Variants in TYW1B observed in about 807,000 individuals in gnomAD.
TYW1B encodes tRNA-yW synthesizing protein 1 homolog B, also known as S-adenosyl-L-methionine-dependent tRNA 4-demethylwyosine synthase TYW1B.
Under a neutral mutation model 86.9 loss-of-function variants are expected in TYW1B, and 73 were observed. The ratio of observed to expected loss-of-function variants is 0.84; its 90% CI spans 0.70 to 1.02. The LOEUF (loss-of-function observed/expected upper bound fraction) is 1.02. Ranked by LOEUF, TYW1B falls within the 50% of genes least tolerant of loss-of-function variation. The pLI is 0.00. For missense variants in TYW1B, 637 were observed against 827.4 expected, an observed-to-expected ratio of 0.77 and a Z score of 2.82; for synonymous variants, 248 against 292.8, an observed-to-expected ratio of 0.85 and a Z score of 1.56.
At chr7:72,602,888 T>C (rs1200643489) in intron 13 of TYW1B, among the ~76,000 whole-genome samples, 1 of 111,852 alleles carries the variant, frequency 8.9e-6, no homozygotes, top group African/African-American at 3.3e-5. Flanking sequence ...ACACACACAA[T>C]GTTGATGGGG....
intron 11 of TYW1B, among the ~76,000 whole-genome samples, chr7:72,653,939 A>G (rs1554443224): frequency 2.6e-5 from 4 of 151,516 alleles, no homozygotes; most frequent in Non-Finnish European, 5.9e-5. Flanking sequence ...AATTAGCCAC[A>G]TGTGGTGGCG....
At chr7:72,746,986 T>C (rs1293337517) in intron 7 of TYW1B, among the ~76,000 whole-genome samples, 4 of 152,236 alleles carry the variant, frequency 2.6e-5, no homozygotes, top group Admixed American at 2.0e-4. Context: ...TAAGACACTC[T>C]TTTTTGTAAT....
rs186499020 is a variant in TYW1B, at chr7:72,714,987, G to C, written c.1193-1189C>G. On this transcript the variant is annotated intron_variant, in intron 9 of 13. Coordinates refer to ENST00000620995, the MANE Select transcript of TYW1B (RefSeq NM_001145440.3). Reference sequence around the variant, plus strand: ...TCTGTTTCATCAGAGTGGGTGCAAGGCTGGGCAATAAGTTTTGTTAAAGCT... The same window carrying C: ...TCTGTTTCATCAGAGTGGGTGCAAGCCTGGGCAATAAGTTTTGTTAAAGCT... Among the ~76,000 whole-genome samples, 1,085 of 152,304 alleles carry C rather than the reference G, an allele frequency of 7.1e-3. 18 individuals are homozygous for C. Among genetic ancestry groups the C allele is most frequent in the African/African-American group, 0.025 (1,057 of 41,548 alleles).
intron 7 of TYW1B, among the ~76,000 whole-genome samples, chr7:72,755,389 A>G (rs1401456515): frequency 6.6e-6 from 1 of 152,174 alleles, no homozygotes; most frequent in African/African-American, 2.4e-5. Flanking sequence ...ACTGCACTCC[A>G]GCCTGGCCGG....
intron 12 of TYW1B, among the ~76,000 whole-genome samples, chr7:72,619,401 G>A (rs2129568478): frequency 6.6e-6 from 1 of 152,198 alleles, no homozygotes; most frequent in South Asian, 2.1e-4. Flanking sequence ...CAGCACTTTG[G>A]GAGGCCGAGG....
At position 72,702,676 on chromosome 7, in the gene TYW1B, T is replaced by C. The variant is rs138481823; in HGVS notation, c.1371-7854A>G. Reference sequence around the variant, plus strand: ...AGCTGGGATTACAGGCATGAGCCACTGCTCCCAGCCGAGATACTGGTTTTC... The same window carrying C: ...AGCTGGGATTACAGGCATGAGCCACCGCTCCCAGCCGAGATACTGGTTTTC... On this transcript the variant is annotated intron_variant, in intron 10 of 13. Coordinates refer to ENST00000620995, the MANE Select transcript of TYW1B (RefSeq NM_001145440.3). 7.0e-3 allele frequency among the ~76,000 whole-genome samples: 1,060 copies of C among 151,908 alleles called. 10 individuals carry two copies. Among genetic ancestry groups the C allele is most frequent in the African/African-American group, 0.023 (966 of 41,444 alleles).
chr7:72,792,212 A>G (rs561553807), intron 6 of TYW1B, among the ~76,000 whole-genome samples: 149 of 152,156 alleles, frequency 9.8e-4, no homozygotes, highest in Non-Finnish European at 2.0e-3. Flanking sequence ...CTGTAATCCC[A>G]GCTACTCGGG....
At chr7:72,638,828 A>G (rs1265768731) in intron 11 of TYW1B, among the ~76,000 whole-genome samples, 2 of 152,250 alleles carry the variant, frequency 1.3e-5, no homozygotes, top group African/African-American at 4.8e-5. Flanking sequence ...CAGTACAGCA[A>G]CAATTATTAA....
chr7:72,657,519 A>C (rs187057087), intron 11 of TYW1B, among the ~76,000 whole-genome samples: 240 of 152,290 alleles, frequency 1.6e-3, no homozygotes, highest in African/African-American at 5.6e-3. Flanking sequence ...ACATATATTC[A>C]ATCCAAGAAG....
intron 7 of TYW1B, among the ~76,000 whole-genome samples, chr7:72,774,519 G>A (rs1314528221): frequency 1.3e-5 from 2 of 152,000 alleles, no homozygotes; most frequent in East Asian, 1.9e-4. Context: ...TCAGGAGATA[G>A]AGACCATCCT....
At chr7:72,656,396 T>G (rs1424770681) in intron 11 of TYW1B, among the ~76,000 whole-genome samples, 1 of 152,178 alleles carries the variant, frequency 6.6e-6, no homozygotes, top group Admixed American at 6.5e-5. Flanking sequence ...ACAAGAATGA[T>G]GAGGAAGCAA....
chr7:72,732,978 C>T (rs1382391673), intron 8 of TYW1B, among the ~76,000 whole-genome samples: 3 of 151,970 alleles, frequency 2.0e-5, no homozygotes, highest in African/African-American at 7.2e-5. Context: ...TGTACACCAA[C>T]AAATTGGAAA....
At chr7:72,784,825 C>T (rs555169907) in intron 6 of TYW1B, among the ~76,000 whole-genome samples, 1 of 151,908 alleles carries the variant, frequency 6.6e-6, no homozygotes, top group South Asian at 2.1e-4. Flanking sequence ...TACACTGGAA[C>T]TCTCCTCTCT....
chr7:72,788,476 C>T (rs1216052142), intron 6 of TYW1B, among the ~76,000 whole-genome samples: 2 of 152,114 alleles, frequency 1.3e-5, no homozygotes, highest in Non-Finnish European at 2.9e-5. Context: ...GTTGAGCATC[C>T]CAAATCTTCG....
At chr7:72,591,427 T>C (rs564531500) in intron 13 of TYW1B, among the ~76,000 whole-genome samples, 1 of 151,894 alleles carries the variant, frequency 6.6e-6, no homozygotes, top group Admixed American at 6.6e-5. Context: ...AGACAGAGAA[T>C]CTTGAAAGCA....
At chr7:72,601,189 G>A (rs1397442153) in intron 13 of TYW1B, among the ~76,000 whole-genome samples, 3 of 151,590 alleles carry the variant, frequency 2.0e-5, no homozygotes, top group Non-Finnish European at 4.4e-5. Context: ...ATTAAAAAAT[G>A]GGCACAAGAT....
At chr7:72,817,628 T>C (rs1175559867) in intron 2 of TYW1B, among the ~76,000 whole-genome samples, 14 of 152,092 alleles carry the variant, frequency 9.2e-5, no homozygotes, top group African/African-American at 3.4e-4. Flanking sequence ...GTCCAGGTTC[T>C]TCACATGTTG....
At chr7:72,671,971 A>C (rs1290566643) in intron 11 of TYW1B, among the ~76,000 whole-genome samples, 1 of 146,932 alleles carries the variant, frequency 6.8e-6, no homozygotes, top group African/African-American at 2.5e-5. Flanking sequence ...GAACAAGGTG[A>C]TATGGTTTGG....
intron 11 of TYW1B, among the ~76,000 whole-genome samples, chr7:72,691,844 C>T (rs1554450341): frequency 6.6e-6 from 1 of 152,144 alleles, no homozygotes; most frequent in East Asian, 1.9e-4. Context: ...AAGACTTAAT[C>T]GGCTGGACAA....
Sources: gnomAD v4.1 joint callset for allele counts (sites outside exome capture counted in the v4.1 genomes callset) on GRCh38, gnomAD v4.1.1 for gene constraint, MANE v1.5 for transcripts, NCBI Gene and HGNC (gene_info 2026-07-23, HGNC 2026-07-21) for gene names.